PDE10A: variants seen among roughly 807,000 people sequenced by gnomAD.
The protein encoded by PDE10A is phosphodiesterase 10A.
In PDE10A, 39 loss-of-function variants were observed where a neutral mutation model predicts 97.7. The observed-to-expected ratio is 0.40, with a 90% CI of 0.31 to 0.52. The LOEUF is 0.52. Ranked by LOEUF, PDE10A falls within the 20% of genes least tolerant of loss-of-function variation. PDE10A has a pLI of 0.56. For synonymous variants in PDE10A, 371 were observed against 376.8 expected (o/e 0.98, Z 0.18); for missense variants, 731 against 1,047.8 (o/e 0.70, Z 4.17).
chr6:165,543,894 GACC>G (rs1217150724), intron 1 of PDE10A, among the ~76,000 whole-genome samples: 2 of 151,754 alleles, frequency 1.3e-5, no homozygotes, highest in Admixed American at 1.3e-4. Context: ...GTGTGTGTAT[GACC>G]ACAATAAAAA....
chr6:165,485,835 C>G (rs1779883989), intron 2 of PDE10A, among the ~76,000 whole-genome samples: 1 of 152,108 alleles, frequency 6.6e-6, no homozygotes, highest in Non-Finnish European at 1.5e-5. Flanking sequence ...TTCAGATGAT[C>G]CACCCTCCTC....
At chr6:165,735,740 G>A (rs1208493937) in intron 1 of PDE10A, among the ~76,000 whole-genome samples, 3 of 152,092 alleles carry the variant, frequency 2.0e-5, no homozygotes, top group Admixed American at 6.5e-5. Flanking sequence ...GCAATCTGCC[G>A]TACTCATTCT....
intron 1 of PDE10A, among the ~76,000 whole-genome samples, chr6:165,607,580 G>A (rs1787271799): frequency 6.6e-6 from 1 of 152,096 alleles, no homozygotes; most frequent in African/African-American, 2.4e-5. Context: ...ACGTCACCTA[G>A]TGATGCATGT....
chr6:165,980,770 A>G (rs1335060634), intron 1 of PDE10A, among the ~76,000 whole-genome samples: 1 of 152,182 alleles, frequency 6.6e-6, no homozygotes, highest in Non-Finnish European at 1.5e-5. Context: ...ACTTGCATGT[A>G]TCTATATGAT....
At chr6:165,691,106 T>TCCCCCCCCCCCCCC (rs35264122) in intron 1 of PDE10A, among the ~76,000 whole-genome samples, 1 of 39,094 alleles carries the variant, frequency 2.6e-5, no homozygotes, top group African/African-American at 1.1e-4. Context: ...TCTTTCTCTC[T>TCCCCCCCCCCCCCC]CCCCCCCCCC....
chr6:165,439,856 T>C (rs372391437), intron 5 of PDE10A, among the ~76,000 whole-genome samples: 18 of 152,332 alleles, frequency 1.2e-4, no homozygotes, highest in African/African-American at 4.1e-4. Context: ...TAGTACAATT[T>C]ATAAAAACAC....
intron 2 of PDE10A, among the ~76,000 whole-genome samples, chr6:165,539,331 A>T (rs1046419276): frequency 1.3e-5 from 2 of 152,196 alleles, no homozygotes; most frequent in African/African-American, 4.8e-5. Context: ...TGGAATTTAG[A>T]TCTTTGAGGA....
At chr6:165,526,425 G>A (rs1463697349) in intron 2 of PDE10A, among the ~76,000 whole-genome samples, 1 of 152,170 alleles carries the variant, frequency 6.6e-6, no homozygotes, top group African/African-American at 2.4e-5. Flanking sequence ...CTCCTTGACT[G>A]GGAGGGTGAG....
chr6:165,657,504 T>C (rs1583731731), intron 1 of PDE10A, among the ~76,000 whole-genome samples: 2 of 152,270 alleles, frequency 1.3e-5, no homozygotes, highest in Admixed American at 6.5e-5. Context: ...AATGTATTCG[T>C]TGGTGAAATG....
rs116357200 is a variant in PDE10A at position 165,852,686 on chromosome 6, G to T, written c.-615+134843C>A. On this transcript the variant is annotated intron_variant, in intron 1 of 19. Transcript: ENST00000366882. ...TTGTCATGGAGAGGGATGGTGAGAC[G>T]GCCTTGGTGGCATTACTTCACTGTA... is the stretch of plus-strand genomic sequence containing the variant. 3.9e-3 allele frequency among the ~76,000 whole-genome samples: 594 copies of T among 152,300 alleles called. 3 individuals are homozygous for T. Among genetic ancestry groups the T allele is most frequent in the African/African-American group, 0.014 (566 of 41,572 alleles).
chr6:165,336,258 G>A, intron 20 of PDE10A, 47 bp from the exon 21 acceptor site: 1 of 1,195,146 alleles, frequency 8.4e-7, no homozygotes, highest in Non-Finnish European at 1.2e-6. Context: ...GTGCACATTA[G>A]CAATTCCAGT....
intron 1 of PDE10A, among the ~76,000 whole-genome samples, chr6:165,851,473 C>T (rs1373200140): frequency 2.0e-5 from 3 of 152,218 alleles, no homozygotes; most frequent in African/African-American, 4.8e-5. Flanking sequence ...GTGCTAGACA[C>T]TGTGCCAGGC....
chr6:165,933,705 A>C (rs1160108804), intron 1 of PDE10A, among the ~76,000 whole-genome samples: 1 of 152,220 alleles, frequency 6.6e-6, no homozygotes, highest in Non-Finnish European at 1.5e-5. Flanking sequence ...TAGAATATAC[A>C]CATCTTTTGG....
chr6:165,520,714 C>T (rs951569494), intron 2 of PDE10A, among the ~76,000 whole-genome samples: 2 of 152,098 alleles, frequency 1.3e-5, no homozygotes, highest in African/African-American at 4.8e-5. Flanking sequence ...TTACTGAATT[C>T]ATATATTCAA....
intron 1 of PDE10A, among the ~76,000 whole-genome samples, chr6:165,878,411 A>G (rs533127305): frequency 7.9e-5 from 12 of 152,230 alleles, no homozygotes; most frequent in Non-Finnish European, 1.8e-4. Context: ...GGGTCAGTAA[A>G]CAAGTAAAAG....
intron 1 of PDE10A, among the ~76,000 whole-genome samples, chr6:165,668,685 A>AG (rs1790557016): frequency 6.6e-6 from 1 of 151,722 alleles, no homozygotes; most frequent in Non-Finnish European, 1.5e-5. Flanking sequence ...TAAAAGAAAA[A>AG]GAAAGGAAAG....
intron 1 of PDE10A, among the ~76,000 whole-genome samples, chr6:165,840,725 C>T (rs958696729): frequency 3.9e-5 from 6 of 152,216 alleles, no homozygotes; most frequent in African/African-American, 1.4e-4. Context: ...AATTTTAACA[C>T]ACTCTTATTT....
intron 1 of PDE10A, among the ~76,000 whole-genome samples, chr6:165,599,944 T>C (rs557343437): frequency 2.6e-5 from 4 of 152,284 alleles, no homozygotes; most frequent in East Asian, 1.9e-4. Flanking sequence ...GGGTCTCCCA[T>C]TGCCCAACTC....
chr6:165,815,203 C>T (rs550355764), intron 1 of PDE10A, among the ~76,000 whole-genome samples: 2 of 152,230 alleles, frequency 1.3e-5, no homozygotes, highest in East Asian at 3.9e-4. Flanking sequence ...TATCTATTGG[C>T]CAAATGAATC....
Sources: gnomAD v4.1 joint callset for allele counts (sites outside exome capture counted in the v4.1 genomes callset) on GRCh38, gnomAD v4.1.1 for gene constraint, MANE v1.5 for transcripts, NCBI Gene and HGNC (gene_info 2026-07-23, HGNC 2026-07-21) for gene names.